Variants in KCNIP4 observed in about 807,000 individuals in gnomAD.
The protein encoded by KCNIP4 is Kv channel-interacting protein 4.
In KCNIP4, 12 loss-of-function variants were observed where a neutral mutation model predicts 34.0. The ratio of observed to expected loss-of-function variants is 0.35; its 90% CI spans 0.23 to 0.57. KCNIP4 has a LOEUF of 0.57. Ranked by LOEUF, KCNIP4 falls within the 20% of genes least tolerant of loss-of-function variation. The pLI, the probability that KCNIP4 is intolerant of heterozygous loss-of-function variation, is 0.83. For missense variants in KCNIP4, 238 were observed against 311.7 expected, an observed-to-expected ratio of 0.76 and a Z score of 1.78; for synonymous variants, 124 against 102.2, an observed-to-expected ratio of 1.21 and a Z score of -1.29.
chr4:21,383,148 C>A (rs1170782198), intron 1 of KCNIP4, among the ~76,000 whole-genome samples: 1 of 152,090 alleles, frequency 6.6e-6, no homozygotes, highest in Non-Finnish European at 1.5e-5. Flanking sequence ...CATCTGCAAG[C>A]CAAGGAGTGA....
intron 1 of KCNIP4, among the ~76,000 whole-genome samples, chr4:20,999,530 G>A (rs550115900): frequency 3.4e-5 from 5 of 148,990 alleles, no homozygotes; most frequent in Admixed American, 6.8e-5. Context: ...CCTTCAGAAC[G>A]ATCACCGTGG....
At chr4:20,915,274 T>G (rs1403494832) in intron 1 of KCNIP4, among the ~76,000 whole-genome samples, 1 of 152,224 alleles carries the variant, frequency 6.6e-6, no homozygotes, top group African/African-American at 2.4e-5. Flanking sequence ...AGCAATACTT[T>G]TTGAAGTTCA....
intron 1 of KCNIP4, among the ~76,000 whole-genome samples, chr4:21,129,966 A>C (rs1750936677): frequency 6.6e-6 from 1 of 151,980 alleles, no homozygotes; most frequent in African/African-American, 2.4e-5. Context: ...CCATCCTCCT[A>C]CCTATACTTC....
At chr4:21,511,166 C>A (rs1221736134) in intron 1 of KCNIP4, among the ~76,000 whole-genome samples, 2 of 152,058 alleles carry the variant, frequency 1.3e-5, no homozygotes, top group Non-Finnish European at 2.9e-5. Flanking sequence ...ATTATTTTAA[C>A]CATGCTTCTC....
At chr4:21,896,793 C>G (rs1727412994) in intron 1 of KCNIP4, among the ~76,000 whole-genome samples, 1 of 151,966 alleles carries the variant, frequency 6.6e-6, no homozygotes, top group Admixed American at 6.6e-5. Flanking sequence ...GTGGCTCACA[C>G]CTGTAATCCT....
rs540310249 is a variant in KCNIP4, at chr4:21,104,691, T to C, written c.62-221982A>G. Reference sequence around the variant, plus strand: ...GCCCATGTGTATGTCCTGAATATTATTGCCTATGTTTTCTTCTAGGGTTTT... The same window carrying C: ...GCCCATGTGTATGTCCTGAATATTACTGCCTATGTTTTCTTCTAGGGTTTT... On this transcript the variant is annotated intron_variant, in intron 1 of 8. Coordinates refer to ENST00000382152, the MANE Select transcript of KCNIP4 (RefSeq NM_025221.6). 7.2e-5 allele frequency among the ~76,000 whole-genome samples: 11 copies of C among 151,878 alleles called. No individual in the cohort carries two copies. The South Asian group carries it at 2.3e-3, about 32-fold the overall frequency.
chr4:21,694,437 A>T (rs576862258), intron 1 of KCNIP4, among the ~76,000 whole-genome samples: 52 of 152,296 alleles, frequency 3.4e-4, no homozygotes, highest in African/African-American at 1.3e-3. Context: ...ATAAACTTTT[A>T]AAAAGCATAT....
intron 1 of KCNIP4, among the ~76,000 whole-genome samples, chr4:21,793,451 T>G (rs560583058): frequency 1.3e-5 from 2 of 152,184 alleles, no homozygotes; most frequent in Admixed American, 1.3e-4. Flanking sequence ...ACAGATAAGA[T>G]TTCACCATGT....
intron 1 of KCNIP4, among the ~76,000 whole-genome samples, chr4:20,971,680 C>T (rs1006027328): frequency 3.9e-5 from 6 of 152,138 alleles, no homozygotes; most frequent in South Asian, 2.1e-4. Context: ...TAGAACTGGC[C>T]TTAATGTTGT....
intron 1 of KCNIP4, among the ~76,000 whole-genome samples, chr4:21,559,592 G>A (rs1311386955): frequency 6.6e-6 from 1 of 152,096 alleles, no homozygotes; most frequent in Non-Finnish European, 1.5e-5. Flanking sequence ...TGGAAGAACA[G>A]AAGACACCAT....
intron 1 of KCNIP4, among the ~76,000 whole-genome samples, chr4:20,912,817 C>A (rs1728454426): frequency 6.6e-6 from 1 of 151,992 alleles, no homozygotes; most frequent in Admixed American, 6.6e-5. Context: ...AAATTGAAAT[C>A]AAAATCACAA....
chr4:21,104,047 A>G (rs1380271507), intron 1 of KCNIP4, among the ~76,000 whole-genome samples: 4 of 77,554 alleles, frequency 5.2e-5, no homozygotes, highest in African/African-American at 3.1e-4. Context: ...ATAAACATAC[A>G]TGTCCTTGTC....
At chr4:20,837,921 C>T (rs1233202107) in intron 3 of KCNIP4, among the ~76,000 whole-genome samples, 1 of 151,472 alleles carries the variant, frequency 6.6e-6, no homozygotes, top group African/African-American at 2.4e-5. Flanking sequence ...AACATGTGAC[C>T]TCAGGTGATC....
At chr4:21,781,519 T>C (rs183202256) in intron 1 of KCNIP4, among the ~76,000 whole-genome samples, 3 of 152,142 alleles carry the variant, frequency 2.0e-5, no homozygotes, top group Admixed American at 6.5e-5. Context: ...AAAGACATTC[T>C]CAGATAAAGG....
At chr4:21,592,960 G>A (rs1324503500) in intron 1 of KCNIP4, among the ~76,000 whole-genome samples, 2 of 152,020 alleles carry the variant, frequency 1.3e-5, no homozygotes, top group Admixed American at 6.6e-5. Context: ...TAAGATGAAT[G>A]GGAAGGAAAA....
rs201976919 is a variant in KCNIP4, at chr4:21,229,817, G to A, written c.62-347108C>T. On this transcript the variant is annotated intron_variant, in intron 1 of 8. Coordinates refer to ENST00000382152, the MANE Select transcript of KCNIP4 (RefSeq NM_025221.6). ...TTGATTCCTTTGCACAGTTCTGAGAGTCCCACTCAGATTTCCTCTCTGAGT... is the reference window on the plus strand; with the variant it reads ...TTGATTCCTTTGCACAGTTCTGAGAATCCCACTCAGATTTCCTCTCTGAGT... Among the ~76,000 whole-genome samples the A allele has an allele frequency of 3.1e-4, 47 of 152,238 alleles. 1 individual carries two copies. The East Asian group carries it at 8.3e-3, about 27-fold the overall frequency.
At chr4:21,736,371 G>A (rs1489863913) in intron 1 of KCNIP4, among the ~76,000 whole-genome samples, 1 of 152,064 alleles carries the variant, frequency 6.6e-6, no homozygotes, top group Non-Finnish European at 1.5e-5. Flanking sequence ...AGAGAGATAG[G>A]TCCCTGTAAT....
Position 21,135,202 on chromosome 4 carries a change from C to CA in KCNIP4, c.62-252494dup, listed in dbSNP as rs1403694757. ...TATATCATTGCTGCTCTCTGCTGGTCAAAAGCATTATTCTCTTCAATTAAG... is the reference window on the plus strand; with the variant it reads ...TATATCATTGCTGCTCTCTGCTGGTCAAAAAGCATTATTCTCTTCAATTAAG... On this transcript the variant is annotated intron_variant, in intron 1 of 8. Coordinates refer to ENST00000382152, the MANE Select transcript of KCNIP4 (RefSeq NM_025221.6). Among the ~76,000 whole-genome samples, 5 of 152,280 alleles carry CA rather than the reference C, an allele frequency of 3.3e-5. No homozygotes were observed. The East Asian group carries it at 5.8e-4, about 18-fold the overall frequency.
intron 1 of KCNIP4, among the ~76,000 whole-genome samples, chr4:21,428,693 G>A (rs1220962569): frequency 2.0e-5 from 3 of 152,180 alleles, no homozygotes; most frequent in Admixed American, 1.3e-4. Context: ...ATGATATCCT[G>A]TGATGGAAAT....
Sources: gnomAD v4.1 joint callset for allele counts (sites outside exome capture counted in the v4.1 genomes callset) on GRCh38, gnomAD v4.1.1 for gene constraint, MANE v1.5 for transcripts, NCBI Gene and HGNC (gene_info 2026-07-23, HGNC 2026-07-21) for gene names.